DIDO1: variants seen among roughly 807,000 people sequenced by gnomAD.
DIDO1 encodes the protein death-inducer obliterator 1.
In DIDO1, 16 loss-of-function variants were observed where a neutral mutation model predicts 99.4. That is an observed-to-expected ratio of 0.16 (90% CI 0.11 to 0.24). DIDO1 has a LOEUF of 0.24. DIDO1 is among the 10% of genes least tolerant of loss of function. The probability of loss-of-function intolerance (pLI) is 1.00; values close to 1 mark genes in which losing one functional copy is unlikely to be tolerated. For missense variants in DIDO1, 2,996 were observed against 3,014.0 expected (o/e 0.99, Z 0.14); for synonymous variants, 1,366 against 1,239.1 (o/e 1.10, Z -2.15).
rs1414616618 is a variant in DIDO1 at position 62,896,052 on chromosome 20, G to A, written c.2214+181C>T. Among the ~76,000 whole-genome samples, 1 of 152,214 alleles carries A rather than the reference G, an allele frequency of 6.6e-6. No individual in the cohort carries two copies. Among genetic ancestry groups the A allele is most frequent in the Non-Finnish European group, 1.5e-5 (1 of 68,040 alleles). Reference sequence around the variant, plus strand: ...ACCCTAGTTAAGGCAGGGAAGGGAAGGGGTTTCCAGGACGCTCAACGCCAG... The same window carrying A: ...ACCCTAGTTAAGGCAGGGAAGGGAAAGGGTTTCCAGGACGCTCAACGCCAG... On this transcript the variant is annotated intron_variant, in intron 8 of 15. Coordinates refer to ENST00000395343, the MANE Select transcript of DIDO1 (RefSeq NM_001193369.2). The surrounding 1 kb of genome is among the most constrained non-coding windows in gnomAD (Gnocchi z 4.4).
At chr20:62,930,852 A>T (rs1366238205), upstream of DIDO1, among the ~76,000 whole-genome samples, 1 of 152,240 alleles carries the variant, frequency 6.6e-6, no homozygotes, top group Non-Finnish European at 1.5e-5. Context: ...AACAAGGCAA[A>T]AGGAACTTCT....
rs1208696113 is a variant in DIDO1, at chr20:62,894,717, G to A, written c.2436+93C>T. ...CCACAATGACATACACCTGCTGTAA[G>A]CTCAGGTCCTGCCCAATAATTTAAG... On this transcript the variant is annotated intron_variant, in intron 10 of 15. Coordinates refer to ENST00000395343, the MANE Select transcript of DIDO1 (RefSeq NM_001193369.2). This position sits in a 1 kb window ranked among gnomAD's most constrained non-coding sequence, Gnocchi z 4.4. 1 of 1,427,388 alleles carries A rather than the reference G, an allele frequency of 7.0e-7. No homozygotes were observed. The highest frequency in any genetic ancestry group is 9.4e-7 in the Non-Finnish European group (1 of 1,058,956). 88.4% of individuals were successfully genotyped at this position (1,427,388 alleles called of 1,614,324 possible). A position where few individuals can be genotyped will look rare whatever the true frequency, so the allele number is the denominator to read the frequency against.
At chr20:62,909,443 A>G (rs1296261246) in intron 4 of DIDO1, among the ~76,000 whole-genome samples, 1 of 152,276 alleles carries the variant, frequency 6.6e-6, no homozygotes, top group Non-Finnish European at 1.5e-5. Flanking sequence ...CTGCTAATGC[A>G]TACAAAGCAT....
intron 6 of DIDO1, among the ~76,000 whole-genome samples, chr20:62,902,335 A>T (rs2064701713): frequency 6.6e-6 from 1 of 152,242 alleles, no homozygotes; most frequent in East Asian, 1.9e-4. Flanking sequence ...TAACGTAAAA[A>T]AACAACTATC....
At chr20:62,909,654 G>A (rs1204031755) in intron 4 of DIDO1, 45 bp downstream of exon 4, 2 of 1,597,442 alleles carry the variant, frequency 1.3e-6, no homozygotes, top group Non-Finnish European at 1.7e-6. Context: ...ACTGAAACCA[G>A]TGAGGCCGAC....
Position 62,880,597 on chromosome 20 carries a change from C to T in DIDO1, c.5359G>A (p.Ala1787Thr), listed in dbSNP as rs745766447. 2 of 1,612,890 alleles carry T rather than the reference C, an allele frequency of 1.2e-6. No individual in the cohort carries two copies. Among genetic ancestry groups the T allele is most frequent in the Non-Finnish European group, 1.7e-6 (2 of 1,180,000 alleles). ...PAPPFPEENI[A>T]SNDGPRGPPP... ...GGCCCTCGTGGCCCATCGTTAGAAG[C>T]GATATTCTCTTCTGGAAACGGAGGG... The change falls in exon 16 of 16, where the codon GCT (alanine) becomes ACT (threonine). Residue 1787 changes from alanine to threonine, a missense_variant. By Grantham distance (58) the Ala-to-Thr change is moderately conservative (BLOSUM62 0). Around this residue, in one of 5 missense-constraint regions of DIDO1, gnomAD observed 1,562 missense variants for 1,412.6 expected, o/e 1.11. Transcript: ENST00000395343.
chr20:62,921,147 T>C (rs2065129097), intron 1 of DIDO1, among the ~76,000 whole-genome samples: 2 of 152,182 alleles, frequency 1.3e-5, no homozygotes, highest in African/African-American at 4.8e-5. Flanking sequence ...CCGCCCACCT[T>C]GGCCTCCCAA....
rs201361450 is a variant in DIDO1 at position 62,911,099 on chromosome 20, G to T, written c.514C>A (p.Arg172=). 1.9e-6 allele frequency: 3 copies of T among 1,613,884 alleles called. No individual in the cohort carries two copies. Among genetic ancestry groups the T allele is most frequent in the Non-Finnish European group, 2.5e-6 (3 of 1,180,020 alleles). ...KELQNRLRRK[R]EQEPTERPLK... is the part of the protein sequence containing the mutation. ...GGCCTCTCAGTGGGCTCCTGTTCCCGCTTCCTGCGAAGGCGATTCTGAAGC... is the reference window on the plus strand; with the variant it reads ...GGCCTCTCAGTGGGCTCCTGTTCCCTCTTCCTGCGAAGGCGATTCTGAAGC... Residue 172 remains arginine (R), a synonymous_variant, in exon 3 of 16, where the codon CGG becomes AGG. Coordinates refer to ENST00000395343, the MANE Select transcript of DIDO1 (RefSeq NM_001193369.2). This position sits in a 1 kb window ranked among gnomAD's most constrained non-coding sequence, Gnocchi z 7.0.
chr20:62,894,713 G>C lies in DIDO1; in HGVS notation c.2436+97C>G, dbSNP rs145789704. On this transcript the variant is annotated intron_variant, in intron 10 of 15. Coordinates refer to ENST00000395343, the MANE Select transcript of DIDO1 (RefSeq NM_001193369.2). The surrounding 1 kb of genome is among the most constrained non-coding windows in gnomAD (Gnocchi z 4.4). ...AATGCCACAATGACATACACCTGCT[G>C]TAAGCTCAGGTCCTGCCCAATAATT... The C allele has an allele frequency of 2.8e-3, 3,959 of 1,416,318 alleles. 15 individuals are homozygous for C. The highest frequency in any genetic ancestry group is 0.015 in the Middle Eastern group (58 of 3,970). The allele number at this position is 1,416,318 out of a possible 1,614,324, so 87.7% of individuals were successfully genotyped here.
At chr20:62,923,211 T>G (rs2065189529) in intron 1 of DIDO1, among the ~76,000 whole-genome samples, 1 of 152,066 alleles carries the variant, frequency 6.6e-6, no homozygotes, top group African/African-American at 2.4e-5. Context: ...AGAGTCTCAC[T>G]GTCGCCCAGG....
intron 1 of DIDO1, among the ~76,000 whole-genome samples, chr20:62,924,862 G>A (rs116866161): frequency 6.6e-6 from 1 of 152,234 alleles, no homozygotes; most frequent in East Asian, 1.9e-4. Context: ...ACTAATAAGG[G>A]ACAGCCTCTG....
At position 62,881,900 on chromosome 20, in the gene DIDO1, G is replaced by A; in HGVS notation, c.4056C>T (p.Asp1352=). 6.2e-7 allele frequency: 1 copy of A among 1,613,472 alleles called. No individual in the cohort carries two copies. Among genetic ancestry groups the A allele is most frequent in the Non-Finnish European group, 8.5e-7 (1 of 1,180,038 alleles). Residue 1352 remains aspartate (D), a synonymous_variant, in exon 16 of 16, where the codon GAC becomes GAT. Coordinates refer to ENST00000395343, the MANE Select transcript of DIDO1 (RefSeq NM_001193369.2). This position sits in a 1 kb window ranked among gnomAD's most constrained non-coding sequence, Gnocchi z 8.3. ...LPQEPKTTAE[D]GVPAPPLLDP... ...CTAACAACGGAGGTGCCGGCACCCC[G>A]TCCTCTGCTGTGGTTTTGGGCTCCT... is the stretch of plus-strand genomic sequence containing the variant.
Position 62,889,598 on chromosome 20 carries a change from C to A in DIDO1, c.3541+1362G>T, listed in dbSNP as rs568694956. 541 of 985,442 alleles carry A rather than the reference C, an allele frequency of 5.5e-4. 3 individuals carry two copies. The African/African-American group carries it at 8.8e-3, about 16-fold the overall frequency. The allele number at this position is 985,442 out of a possible 1,614,324, so 61.0% of individuals were successfully genotyped here. On this transcript the variant is annotated intron_variant, in intron 15 of 15. Coordinates refer to ENST00000395343, the MANE Select transcript of DIDO1 (RefSeq NM_001193369.2). ...CTTGCAACTGACCAGTGGGTCTTCA[C>A]AGGTGCGGAGAGGCCAGCTTCTCGG...
intron 1 of DIDO1, among the ~76,000 whole-genome samples, chr20:62,919,901 T>C (rs1462676988): frequency 1.3e-5 from 2 of 152,242 alleles, no homozygotes; most frequent in Non-Finnish European, 2.9e-5. Flanking sequence ...AACAGTCACA[T>C]AAAATCATTT....
Position 62,880,139 on chromosome 20 carries a change from G to T in DIDO1, c.5817C>A (p.Gly1939=). ...PHPSQFETAR[G]PHPNQFEGPR... ...GTCCTTCAAACTGGTTGGGATGAGGGCCCCGGGCAGTTTCAAACTGACTAG... is the reference window on the plus strand; with the variant it reads ...GTCCTTCAAACTGGTTGGGATGAGGTCCCCGGGCAGTTTCAAACTGACTAG... The change falls in exon 16 of 16, where the codon GGC becomes GGA. Residue 1939 remains glycine (G), a synonymous_variant. Coordinates refer to ENST00000395343, the MANE Select transcript of DIDO1 (RefSeq NM_001193369.2). 6.2e-7 allele frequency: 1 copy of T among 1,612,544 alleles called. No homozygotes were observed. The highest frequency in any genetic ancestry group is 8.5e-7 in the Non-Finnish European group (1 of 1,179,968).
intron 6 of DIDO1, 46 bp from the exon 7 acceptor site, chr20:62,897,042 G>C: frequency 4.6e-6 from 7 of 1,535,706 alleles, no homozygotes; most frequent in South Asian, 2.5e-5. Context: ...ACACCACAGG[G>C]TGCTGTCACC....
rs770678598 is a variant in DIDO1 at position 62,911,112 on chromosome 20, G to A, written c.501C>T (p.Arg167=). ...DGLTLKELQN[R]LRRKREQEPT... is the part of the protein sequence containing the mutation. ...GCTCCTGTTCCCGCTTCCTGCGAAG[G>A]CGATTCTGAAGCTCTTTCAAGGTCA... The change falls in exon 3 of 16, where the codon CGC becomes CGT. Residue 167 remains arginine, a synonymous_variant. Transcript: ENST00000395343. This position sits in a 1 kb window ranked among gnomAD's most constrained non-coding sequence, Gnocchi z 7.0. 3.7e-6 allele frequency: 6 copies of A among 1,613,940 alleles called. No homozygotes were observed. The South Asian group carries it at 4.4e-5, about 12-fold the overall frequency.
Position 62,881,316 on chromosome 20 carries a change from G to A in DIDO1, c.4640C>T (p.Ser1547Leu). ...QEQQSADKPA[S>L]LPPASQASNH... is the part of the protein sequence containing the mutation. ...TGACGCCTGGCTGGCGGGGGGCAGT[G>A]AGGCGGGCTTGTCTGCAGACTGCTG... The change falls in exon 16 of 16, where the codon TCA becomes TTA. Residue 1547 changes from serine to leucine, a missense_variant. Ser to Leu is a moderately radical substitution (Grantham distance 145). Transcript: ENST00000395343. This position sits in a 1 kb window ranked among gnomAD's most constrained non-coding sequence, Gnocchi z 8.3. 6.2e-7 allele frequency: 1 copy of A among 1,604,690 alleles called. No individual in the cohort carries two copies. The highest frequency in any genetic ancestry group is 1.6e-4 in the Middle Eastern group (1 of 6,062).
rs1240939438 is a variant in DIDO1 at position 62,879,940 on chromosome 20, G to A, written c.6016C>T (p.Pro2006Ser). 1 of 1,600,938 alleles carries A rather than the reference G, an allele frequency of 6.2e-7. No homozygotes were observed. The highest frequency in any genetic ancestry group is 8.5e-7 in the Non-Finnish European group (1 of 1,175,388). The change falls in exon 16 of 16, where the codon CCT becomes TCT. Residue 2006 changes from proline to serine, a missense_variant. By Grantham distance (74) the Pro-to-Ser change is moderately conservative. Around this residue, in one of 5 missense-constraint regions of DIDO1, gnomAD observed 1,562 missense variants for 1,412.6 expected, o/e 1.11. Transcript: ENST00000395343. This position sits in a 1 kb window ranked among gnomAD's most constrained non-coding sequence, Gnocchi z 6.3. ...APFSEKNEQTPSRFHFQGQAP... is the reference protein window; with the variant it reads ...APFSEKNEQTSSRFHFQGQAP... ...TGGCCCTGGAAGTGAAATCGCGAAGGGGTCTGCTCATTTTTTTCAGAAAAG... is the reference window on the plus strand; with the variant it reads ...TGGCCCTGGAAGTGAAATCGCGAAGAGGTCTGCTCATTTTTTTCAGAAAAG...
Sources: gnomAD v4.1 joint callset for allele counts (sites outside exome capture counted in the v4.1 genomes callset) on GRCh38, gnomAD v4.1.1 for gene constraint, gnomAD v4.1.1 regional missense constraint, Gnocchi (gnomAD v3.1) non-coding constraint, MANE v1.5 for transcripts, NCBI Gene and HGNC (gene_info 2026-07-23, HGNC 2026-07-21) for gene names.